MAML2: variants seen among roughly 807,000 people sequenced by gnomAD.
The protein encoded by MAML2 is mastermind-like protein 2.
Under a neutral mutation model 96.1 loss-of-function variants are expected in MAML2, and 22 were observed. The observed-to-expected ratio is 0.23, with a 90% CI of 0.16 to 0.33. MAML2 has a LOEUF of 0.33. MAML2 is among the 10% of genes least tolerant of loss of function. The pLI, the probability that MAML2 is intolerant of heterozygous loss-of-function variation, is 1.00. For synonymous variants in MAML2, 561 were observed against 521.3 expected (o/e 1.08, Z -1.04); for missense variants, 1,367 against 1,392.4 (o/e 0.98, Z 0.29).
At chr11:96,189,069 G>GTT (rs765549492) in intron 1 of MAML2, among the ~76,000 whole-genome samples, 2 of 100,124 alleles carry the variant, frequency 2.0e-5, no homozygotes, top group Non-Finnish European at 4.7e-5. Flanking sequence ...AAACTGTTTT[G>GTT]TTTTTTTTTT....
chr11:95,997,137 T>C (rs1222927347), intron 2 of MAML2, among the ~76,000 whole-genome samples: 1 of 152,168 alleles, frequency 6.6e-6, no homozygotes, highest in African/African-American at 2.4e-5. Flanking sequence ...TGATCTTTCA[T>C]TTTACATGTT....
intron 1 of MAML2, among the ~76,000 whole-genome samples, chr11:96,153,952 T>A (rs11021451): frequency 0.11 from 15,077 of 141,518 alleles, 912 homozygotes; most frequent in Middle Eastern, 0.18. Flanking sequence ...TAAATAAATA[T>A]GATAAAACAA....
intron 1 of MAML2, among the ~76,000 whole-genome samples, chr11:96,228,573 G>A (rs1484307670): frequency 4.6e-5 from 7 of 152,160 alleles, no homozygotes; most frequent in South Asian, 4.1e-4. Flanking sequence ...GAAGATGGCC[G>A]CTGTCCACCT....
intron 1 of MAML2, among the ~76,000 whole-genome samples, chr11:96,282,260 AAT>A (rs1359148258): frequency 3.8e-5 from 5 of 131,504 alleles, no homozygotes; most frequent in East Asian, 2.3e-4. Context: ...AAAAAAAAAT[AAT>A]AATAATAATA....
At chr11:96,105,517 C>T (rs1026439803) in intron 1 of MAML2, among the ~76,000 whole-genome samples, 2 of 152,192 alleles carry the variant, frequency 1.3e-5, no homozygotes, top group Non-Finnish European at 2.9e-5. Context: ...TCTTTAACTC[C>T]ATTACAAAGG....
At chr11:96,155,219 C>G (rs528601905) in intron 1 of MAML2, among the ~76,000 whole-genome samples, 2 of 152,108 alleles carry the variant, frequency 1.3e-5, no homozygotes, top group African/African-American at 4.8e-5. Flanking sequence ...AAGAAATGCT[C>G]TACATTGGGC....
Position 96,019,545 on chromosome 11 carries a change from GTCAC to G in MAML2, c.2140-27826_2140-27823del, listed in dbSNP as rs529114992. Among the ~76,000 whole-genome samples, 33 of 152,034 alleles carry G rather than the reference GTCAC, an allele frequency of 2.2e-4. 1 individual carries two copies. The South Asian group carries it at 6.2e-3, about 29-fold the overall frequency. On this transcript the variant is annotated intron_variant, in intron 2 of 4. Transcript: ENST00000524717. Reference sequence around the variant, plus strand: ...TGGAAAATTGTTATGGAAAAAATTAGTCACTCACTCACTTGAGATATAACTCCTG... The same window carrying G: ...TGGAAAATTGTTATGGAAAAAATTAGTCACTCACTTGAGATATAACTCCTG...
chr11:96,245,151 C>G lies in MAML2; in HGVS notation c.513+96232G>C, dbSNP rs1862493323. On this transcript the variant is annotated intron_variant, in intron 1 of 4. Coordinates refer to ENST00000524717, the MANE Select transcript of MAML2 (RefSeq NM_032427.4). Reference sequence around the variant, plus strand: ...AAAGACAATTTTTCTTTGAATTTTCCAAATAATTTGCAAAAATTAATTCAG... The same window carrying G: ...AAAGACAATTTTTCTTTGAATTTTCGAAATAATTTGCAAAAATTAATTCAG... Among the ~76,000 whole-genome samples the G allele has an allele frequency of 2.0e-5, 3 of 151,308 alleles. No homozygotes were observed. The South Asian group carries it at 6.3e-4, about 32-fold the overall frequency.
intron 2 of MAML2, among the ~76,000 whole-genome samples, chr11:96,070,665 C>T (rs1320102444): frequency 1.3e-5 from 2 of 152,266 alleles, no homozygotes; most frequent in East Asian, 1.9e-4. Flanking sequence ...CTTTTCTGCT[C>T]CATGCGACTT....
At chr11:95,992,885 T>C (rs1346814652) in intron 2 of MAML2, among the ~76,000 whole-genome samples, 7 of 125,832 alleles carry the variant, frequency 5.6e-5, no homozygotes, top group African/African-American at 2.1e-4. Flanking sequence ...CAACTCTCTC[T>C]TTTTTTTTTT....
intron 2 of MAML2, among the ~76,000 whole-genome samples, chr11:96,039,329 A>G (rs1858768734): frequency 9.7e-6 from 1 of 102,588 alleles, no homozygotes; most frequent in Non-Finnish European, 1.9e-5. Flanking sequence ...GGAGGAGAGG[A>G]GGGGAGGGGA....
At chr11:96,024,161 A>T (rs1858479817) in intron 2 of MAML2, among the ~76,000 whole-genome samples, 1 of 152,218 alleles carries the variant, frequency 6.6e-6, no homozygotes, top group South Asian at 2.1e-4. Flanking sequence ...ATGATTAAAA[A>T]TTTTCTCTCA....
chr11:96,165,704 G>A (rs1861179062), intron 1 of MAML2, among the ~76,000 whole-genome samples: 1 of 152,168 alleles, frequency 6.6e-6, no homozygotes, highest in African/African-American at 2.4e-5. Context: ...TGTCCTCTGA[G>A]GTTATACATA....
At position 96,093,198 on chromosome 11, in the gene MAML2, T is replaced by C. The variant is rs183208807; in HGVS notation, c.833A>G (p.His278Arg). ...CTCTTGGGTCATTTGGCCATCCATG[T>C]GCTTACTGCAAGACAGAGTCTCTCC... ...EPGETLSCSK[H>R]MDGQMTQENI... Residue 278 changes from histidine to arginine, a missense_variant, in exon 2 of 5, where the codon CAC becomes CGC. Transcript: ENST00000524717. 2.0e-5 allele frequency: 33 copies of C among 1,614,080 alleles called. No individual in the cohort carries two copies. Among genetic ancestry groups the C allele is most frequent in the Admixed American group, 1.7e-4 (10 of 60,032 alleles).
chr11:96,111,807 C>A (rs924348807), intron 1 of MAML2, among the ~76,000 whole-genome samples: 1 of 152,178 alleles, frequency 6.6e-6, no homozygotes, highest in Non-Finnish European at 1.5e-5. Flanking sequence ...TATGCCCAAT[C>A]CAAAGCATGG....
At chr11:96,000,341 A>C (rs1858061844) in intron 2 of MAML2, among the ~76,000 whole-genome samples, 1 of 152,192 alleles carries the variant, frequency 6.6e-6, no homozygotes, top group African/African-American at 2.4e-5. Context: ...TTGGTAAATA[A>C]AATTTTATTG....
chr11:96,260,003 C>T (rs1222673103), intron 1 of MAML2, among the ~76,000 whole-genome samples: 1 of 150,244 alleles, frequency 6.7e-6, no homozygotes, highest in African/African-American at 2.5e-5. Flanking sequence ...TTCTTTCAAA[C>T]AGGCTGGGAG....
At chr11:96,240,079 C>G (rs1344314653) in intron 1 of MAML2, among the ~76,000 whole-genome samples, 1 of 152,106 alleles carries the variant, frequency 6.6e-6, no homozygotes, top group African/African-American at 2.4e-5. Flanking sequence ...TACAGCACTT[C>G]AATTTAGAAG....
chr11:96,255,680 T>C (rs1174802358), intron 1 of MAML2, among the ~76,000 whole-genome samples: 8 of 152,114 alleles, frequency 5.3e-5, no homozygotes. Flanking sequence ...AACGGGCCAT[T>C]GTGCCTGGGG....
Sources: allele counts gnomAD v4.1 joint callset (sites outside exome capture counted in the v4.1 genomes callset), GRCh38; gene constraint gnomAD v4.1.1; transcripts MANE v1.5; gene names NCBI Gene and HGNC (gene_info 2026-07-23, HGNC 2026-07-21).